MASP2: variants seen among roughly 807,000 people sequenced by gnomAD.
The protein encoded by MASP2 is MBL associated serine protease 2.
In MASP2, 49 loss-of-function variants were observed where a neutral mutation model predicts 57.1. The observed-to-expected ratio is 0.86, with a 90% CI of 0.68 to 1.09. The LOEUF (loss-of-function observed/expected upper bound fraction) is 1.09, where lower values mean the gene tolerates loss of function less well. MASP2 is among the 50% of genes least tolerant of loss of function. The probability of loss-of-function intolerance (pLI) is 0.00; values close to 1 mark genes in which losing one functional copy is unlikely to be tolerated. For missense variants in MASP2, 900 were observed against 874.8 expected (o/e 1.03, Z -0.36); for synonymous variants, 379 against 340.8 (o/e 1.11, Z -1.24).
chr1:11,031,412 C>T (rs1253798856), intron 8 of MASP2, among the ~76,000 whole-genome samples: 15 of 150,804 alleles, frequency 9.9e-5, no homozygotes, highest in Admixed American at 9.3e-4. Context: ...GCCTGTAGTC[C>T]CAGCTACTCG....
At chr1:11,039,038 T>A (rs1638334385) in intron 6 of MASP2, among the ~76,000 whole-genome samples, 1 of 152,148 alleles carries the variant, frequency 6.6e-6, no homozygotes, top group South Asian at 2.1e-4. Flanking sequence ...CACCTAGAAC[T>A]CTTCTGCCAC....
chr1:11,026,885 T>G lies in MASP2; in HGVS notation c.2061A>C (p.Ter687TyrextTer12). 1 of 1,476,226 alleles carries G rather than the reference T, an allele frequency of 6.8e-7. No homozygotes were observed. The highest frequency in any genetic ancestry group is 9.0e-7 in the Non-Finnish European group (1 of 1,115,086). 91.4% of individuals were successfully genotyped at this position (1,476,226 alleles called of 1,614,324 possible). A position where few individuals can be genotyped will look rare whatever the true frequency, so the allele number is the denominator to read the frequency against. ...PWIENIISDF[*>Y] ...GAATCCTTGACTGCAGACACGCAAG[T>G]TAAAAATCACTAATTATGTTCTCGA... Residue 687 changes from the stop codon to tyrosine (Y), a stop_lost, in exon 11 of 11, where the codon TAA (stop) becomes TAC (tyrosine). Coordinates refer to ENST00000400897, the MANE Select transcript of MASP2 (RefSeq NM_006610.4).
intron 6 of MASP2, 87 bp from the exon 7 acceptor site, chr1:11,037,898 A>C: frequency 1.4e-6 from 1 of 707,464 alleles, no homozygotes; most frequent in East Asian, 2.8e-5. Flanking sequence ...CTTAGTTTAT[A>C]AAGAATACTT....
In MASP2 at chr1:11,047,025, C is replaced by T. The variant is rs373677176; in HGVS notation, c.100G>A (p.Gly34Ser). Residue 34 changes from glycine (G) to serine (S), a missense_variant, in exon 2 of 11, where the codon GGC (glycine) becomes AGC (serine). By Grantham distance (56) the Gly-to-Ser change is moderately conservative. Transcript: ENST00000400897. The stretch of plus-strand genomic sequence containing the variant: ...TCATTGGCATACTCCCCTGGAAAGC[C>T]GGGGGATGCCAGGCGCCCGAACACA... ...EPVFGRLASP[G>S]FPGEYANDQE... The T allele has an allele frequency of 1.1e-4, 174 of 1,551,748 alleles. No individual in the cohort carries two copies. The highest frequency in any genetic ancestry group is 1.4e-4 in the Non-Finnish European group (165 of 1,147,480).
Position 11,037,818 on chromosome 1 carries a change from A to C in MASP2, c.890-7T>G, listed in dbSNP as rs373665950. 4 of 1,571,248 alleles carry C rather than the reference A, an allele frequency of 2.5e-6. No individual in the cohort carries two copies. The African/African-American group carries it at 4.1e-5, about 16-fold the overall frequency. On this transcript the variant is annotated splice_polypyrimidine_tract_variant and splice_region_variant and intron_variant, in intron 6 of 10. Transcript: ENST00000400897. ...GGATAAGGGCAAGGCTGCGCTGCGCAGAGGAAACCAGGCTTGTTGGTTTTC... is the reference window on the plus strand; with the variant it reads ...GGATAAGGGCAAGGCTGCGCTGCGCCGAGGAAACCAGGCTTGTTGGTTTTC...
intron 4 of MASP2, chr1:11,044,998 A>G: frequency 3.1e-6 from 5 of 1,594,078 alleles, no homozygotes; most frequent in Non-Finnish European, 4.3e-6. Context: ...CGAGAGGGAG[A>G]AACCGAGTCG....
At position 11,043,493 on chromosome 1, in the gene MASP2, A is replaced by G. The variant is rs1187935355; in HGVS notation, c.587T>C (p.Leu196Pro). ...CGGCCGTGGGTATTCAGGGCTGCTGAGCTCCCCAGACCTCTGGGTGAAGAC... is the reference window on the plus strand; with the variant it reads ...CGGCCGTGGGTATTCAGGGCTGCTGGGCTCCCCAGACCTCTGGGTGAAGAC... ...GQVFTQRSGE[L>P]SSPEYPRPYP... The change falls in exon 5 of 11, where the codon CTC becomes CCC. Residue 196 changes from leucine (L) to proline (P), a missense_variant. By Grantham distance (98) the Leu-to-Pro change is moderately conservative (BLOSUM62 -3). Coordinates refer to ENST00000400897, the MANE Select transcript of MASP2 (RefSeq NM_006610.4). 1 of 1,608,132 alleles carries G rather than the reference A, an allele frequency of 6.2e-7. No homozygotes were observed. The highest frequency in any genetic ancestry group is 1.1e-5 in the South Asian group (1 of 89,770).
chr1:11,045,630 T>TCCACTCTGA, intron 3 of MASP2, 91 bp from the exon 4 acceptor site: 2 of 1,413,356 alleles, frequency 1.4e-6, no homozygotes, highest in Non-Finnish European at 1.9e-6. Context: ...GACCTCAGAG[T>TCCACTCTGA]GGACCTCAGA....
chr1:11,044,780 G>T, intron 4 of MASP2: 1 of 1,227,106 alleles, frequency 8.1e-7, no homozygotes, highest in Non-Finnish European at 1.1e-6. Flanking sequence ...TCCCACCCCA[G>T]AGACACGTGG....
At chr1:11,044,260 C>T (rs1638555284) in intron 4 of MASP2, among the ~76,000 whole-genome samples, 1 of 152,128 alleles carries the variant, frequency 6.6e-6, no homozygotes, top group Non-Finnish European at 1.5e-5. Context: ...TCCTTCCTCG[C>T]TGGAACAGCT....
intron 1 of MASP2, 35 bp downstream of exon 1, chr1:11,047,168 C>A (rs958815265): frequency 9.6e-6 from 15 of 1,556,968 alleles, no homozygotes; most frequent in Non-Finnish European, 1.3e-5. Context: ...GCTCCCACCC[C>A]ACACCCTGCA....
Position 11,046,584 on chromosome 1 carries a change from C to G in MASP2, c.384G>C (p.Thr128=). The stretch of plus-strand genomic sequence containing the variant: ...CGGCTGCATAGAAGGCCTCGAACCC[C>G]GTGAACGGCTTCTCGTTGGAGTAGT... The part of the protein sequence containing the change: ...RSDYSNEKPF[T]GFEAFYAAED... Residue 128 remains threonine (T), a synonymous_variant, in exon 3 of 11, where the codon ACG becomes ACC. Coordinates refer to ENST00000400897, the MANE Select transcript of MASP2 (RefSeq NM_006610.4). The G allele has an allele frequency of 6.2e-7, 1 of 1,613,912 alleles. No homozygotes were observed. Among genetic ancestry groups the G allele is most frequent in the South Asian group, 1.1e-5 (1 of 91,076 alleles).
chr1:11,039,865 AGGATGGATGGATGGAT>A (rs754881060), intron 6 of MASP2, among the ~76,000 whole-genome samples: 26 of 125,144 alleles, frequency 2.1e-4, no homozygotes, highest in African/African-American at 7.6e-4. Flanking sequence ...GGTGGATAGA[AGGATGGATGGATGGAT>A]GGATGGATGG....
In MASP2 at chr1:11,044,666, C is replaced by T. The variant is rs1448295029; in HGVS notation, c.544+742G>A. 5.9e-6 allele frequency: 5 copies of T among 850,056 alleles called. No homozygotes were observed. In the East Asian group the frequency reaches 1.1e-4, roughly 19 times the overall value. The allele number at this position is 850,056 out of a possible 1,614,324, so 52.7% of individuals were successfully genotyped here. A position where few individuals can be genotyped will look rare whatever the true frequency, so the allele number is the denominator to read the frequency against. Reference sequence around the variant, plus strand: ...CCCATCTTCAAAACGGGGGGTGAGGCCAAGGAGCCTGTGGCCCCATGGAGG... The same window carrying T: ...CCCATCTTCAAAACGGGGGGTGAGGTCAAGGAGCCTGTGGCCCCATGGAGG... On this transcript the variant is annotated intron_variant, in intron 4 of 10. Coordinates refer to ENST00000400897, the MANE Select transcript of MASP2 (RefSeq NM_006610.4).
At chr1:11,044,289 G>C (rs1638556468) in intron 4 of MASP2, among the ~76,000 whole-genome samples, 1 of 152,260 alleles carries the variant, frequency 6.6e-6, no homozygotes, top group Admixed American at 6.5e-5. Context: ...TGCCACGGGC[G>C]GGGTGTTGGG....
At position 11,040,197 on chromosome 1, in the gene MASP2, G is replaced by A. The variant is rs115370924; in HGVS notation, c.890-2386C>T. ...GAAGGATGGATGGATGGGGCTGGGC[G>A]CGGTGGCTCACGCCTGTAATCCCAG... On this transcript the variant is annotated intron_variant, in intron 6 of 10. Coordinates refer to ENST00000400897, the MANE Select transcript of MASP2 (RefSeq NM_006610.4). 1.4e-3 allele frequency among the ~76,000 whole-genome samples: 210 copies of A among 151,790 alleles called. 2 individuals are homozygous for A. The highest frequency in any genetic ancestry group is 4.7e-3 in the African/African-American group (194 of 41,396).
rs765047019 is a variant in MASP2, at chr1:11,045,550, G to C, written c.413-11C>G. The stretch of plus-strand genomic sequence containing the variant: ...GGCACTCGTCAATGTCTGGGGGAGA[G>C]GCAGGGCCAGGCAGGCCGTCAGGAG... On this transcript the variant is annotated splice_polypyrimidine_tract_variant and intron_variant, in intron 3 of 10. Transcript: ENST00000400897. 2 of 1,597,634 alleles carry C rather than the reference G, an allele frequency of 1.3e-6. No individual in the cohort carries two copies. The highest frequency in any genetic ancestry group is 4.5e-5 in the East Asian group (2 of 44,670).
intron 7 of MASP2, 75 bp from the exon 8 acceptor site, chr1:11,034,981 G>C (rs1392454345): frequency 3.7e-6 from 4 of 1,086,524 alleles, no homozygotes; most frequent in Middle Eastern, 2.9e-4. Context: ...TGCTCTCACA[G>C]CAGTTCCTAT....
intron 8 of MASP2, among the ~76,000 whole-genome samples, chr1:11,033,963 A>ACTCT (rs1487558627): frequency 1.2e-4 from 1 of 8,432 alleles, no homozygotes; most frequent in East Asian, 5.1e-3. Context: ...ACACACACAC[A>ACTCT]CACTCTCTCT....
Sources: gnomAD v4.1 joint callset for allele counts (sites outside exome capture counted in the v4.1 genomes callset) on GRCh38, gnomAD v4.1.1 for gene constraint, MANE v1.5 for transcripts, NCBI Gene and HGNC (gene_info 2026-07-23, HGNC 2026-07-21) for gene names.